Variants in ZMIZ1 observed in about 807,000 individuals in gnomAD.
ZMIZ1 encodes the protein zinc finger MIZ domain-containing protein 1.
A neutral mutation model predicts 113.9 loss-of-function variants in ZMIZ1; 17 were observed. The observed-to-expected ratio is 0.15, with a 90% CI of 0.10 to 0.22. ZMIZ1 has a LOEUF of 0.22. ZMIZ1 is among the 10% of genes least tolerant of loss of function. The pLI is 1.00. For synonymous variants in ZMIZ1, 607 were observed against 603.1 expected, an observed-to-expected ratio of 1.01 and a Z score of -0.09; for missense variants, 1,059 against 1,477.8, an observed-to-expected ratio of 0.72 and a Z score of 4.65.
At chr10:79,072,204 G>T (rs1282716047) in intron 1 of ZMIZ1, among the ~76,000 whole-genome samples, 1 of 152,172 alleles carries the variant, frequency 6.6e-6, no homozygotes, top group Admixed American at 6.5e-5. Context: ...CACAGCCAGG[G>T]GCAAAATGAA....
chr10:79,251,744 G>T (rs148613106), intron 7 of ZMIZ1, among the ~76,000 whole-genome samples: 5 of 152,348 alleles, frequency 3.3e-5, no homozygotes, highest in Non-Finnish European at 7.3e-5. Context: ...AGTGGGGACA[G>T]CTTGTGTAAC....
rs2132134259 is a variant in ZMIZ1, at chr10:79,069,187, G to A, written c.-420G>A. On this transcript the variant is annotated 5_prime_UTR_variant, in exon 1 of 25. Transcript: ENST00000334512. This position sits in a 1 kb window ranked among gnomAD's most constrained non-coding sequence, Gnocchi z 4.6. ...CCGAGCGGATCTCGGCGCCCTCGCT[G>A]CGCTCCTCCCGGCCCGAGCCTGCCC... is the stretch of plus-strand genomic sequence containing the variant. 1 of 150,206 alleles carries A rather than the reference G, an allele frequency of 6.7e-6. No individual in the cohort carries two copies. Among genetic ancestry groups the A allele is most frequent in the Middle Eastern group, 3.4e-3 (1 of 290 alleles). The allele number at this position is 150,206 out of a possible 1,614,324, so 9.3% of individuals were successfully genotyped here. A position where few individuals can be genotyped will look rare whatever the true frequency, so the allele number is the denominator to read the frequency against.
chr10:79,076,115 C>A (rs182175750), intron 1 of ZMIZ1, among the ~76,000 whole-genome samples: 1 of 152,324 alleles, frequency 6.6e-6, no homozygotes, highest in African/African-American at 2.4e-5. Context: ...GAACTGGTTG[C>A]GTTACCTGGT....
At chr10:79,293,836 A>C in intron 12 of ZMIZ1, 183 bp downstream of exon 12, 2 of 901,086 alleles carry the variant, frequency 2.2e-6, no homozygotes, top group African/African-American at 1.7e-5. Context: ...TCCCAACTGA[A>C]AGACCTCGAG....
rs79495524 is a variant in ZMIZ1, at chr10:79,207,924, G to T, written c.61-412G>T. Among the ~76,000 whole-genome samples the T allele has an allele frequency of 3.8e-3, 575 of 151,598 alleles. 4 individuals carry two copies. Among genetic ancestry groups the T allele is most frequent in the African/African-American group, 0.013 (553 of 41,276 alleles). On this transcript the variant is annotated intron_variant, in intron 5 of 24. Transcript: ENST00000334512. ...AGGGAGGGAGAACTCCCGGAACCCT[G>T]CAGGGATCACCTTCCGCCACCCCCA...
At chr10:79,093,250 A>G (rs1843047593) in intron 1 of ZMIZ1, among the ~76,000 whole-genome samples, 1 of 151,722 alleles carries the variant, frequency 6.6e-6, no homozygotes. Context: ...ACTGTTCTGA[A>G]GAACCCTACG....
intron 2 of ZMIZ1, among the ~76,000 whole-genome samples, chr10:79,127,703 A>G (rs537865366): frequency 4.1e-4 from 63 of 152,080 alleles, no homozygotes; most frequent in Non-Finnish European, 4.3e-4. Flanking sequence ...AGACCGAGCC[A>G]GTGTTTCCTG....
At chr10:79,303,046 G>C (rs1379009716) in intron 18 of ZMIZ1, among the ~76,000 whole-genome samples, 2 of 151,866 alleles carry the variant, frequency 1.3e-5, no homozygotes, top group Non-Finnish European at 2.9e-5. Flanking sequence ...TGTTTTAGTA[G>C]AGACGGGGTT....
intron 1 of ZMIZ1, among the ~76,000 whole-genome samples, chr10:79,112,049 G>C (rs963452420): frequency 1.3e-5 from 2 of 152,236 alleles, no homozygotes; most frequent in African/African-American, 4.8e-5. Context: ...AGTGATTGTG[G>C]TGTGGCTGGA....
chr10:79,161,139 A>G (rs963806747), intron 3 of ZMIZ1, among the ~76,000 whole-genome samples: 5 of 152,168 alleles, frequency 3.3e-5, no homozygotes, highest in African/African-American at 1.2e-4. Context: ...CCACACTCCC[A>G]GTGCACCCGC....
chr10:79,245,259 C>CT (rs1452103362), intron 7 of ZMIZ1, among the ~76,000 whole-genome samples: 5 of 152,176 alleles, frequency 3.3e-5, no homozygotes, highest in African/African-American at 1.2e-4. Flanking sequence ...CGCTCAGGGA[C>CT]TTTTGAGCCC....
At chr10:79,098,713 T>G (rs1223374018) in intron 1 of ZMIZ1, among the ~76,000 whole-genome samples, 1 of 152,186 alleles carries the variant, frequency 6.6e-6, no homozygotes, top group Non-Finnish European at 1.5e-5. Context: ...TCTCAAAACC[T>G]GCGTCTCTAA....
chr10:79,112,098 A>G (rs987397835), intron 1 of ZMIZ1, among the ~76,000 whole-genome samples: 3 of 152,234 alleles, frequency 2.0e-5, no homozygotes, highest in African/African-American at 7.2e-5. Flanking sequence ...GTGTGGACAC[A>G]ACTCCCAAGT....
At chr10:79,223,486 C>T (rs553630754) in intron 7 of ZMIZ1, among the ~76,000 whole-genome samples, 11 of 152,226 alleles carry the variant, frequency 7.2e-5, no homozygotes, top group African/African-American at 1.7e-4. Context: ...CTGTCTCCAC[C>T]GCCCCGGTCA....
intron 7 of ZMIZ1, among the ~76,000 whole-genome samples, chr10:79,273,667 T>C (rs1852082323): frequency 6.6e-6 from 1 of 152,250 alleles, no homozygotes; most frequent in Non-Finnish European, 1.5e-5. Flanking sequence ...CCCTGCTTCT[T>C]GGTTTCTGAC....
chr10:79,226,919 C>G (rs183475144), intron 7 of ZMIZ1, among the ~76,000 whole-genome samples: 246 of 152,298 alleles, frequency 1.6e-3, no homozygotes, highest in African/African-American at 5.7e-3. Flanking sequence ...CATGATGCAA[C>G]CAACATTAAG....
intron 4 of ZMIZ1, among the ~76,000 whole-genome samples, chr10:79,193,337 G>A (rs1847687264): frequency 6.6e-6 from 1 of 152,202 alleles, no homozygotes; most frequent in Non-Finnish European, 1.5e-5. Flanking sequence ...GAATGTAAAA[G>A]GTTTGTCCAT....
At chr10:79,269,027 G>T (rs1466798619) in intron 7 of ZMIZ1, among the ~76,000 whole-genome samples, 1 of 152,170 alleles carries the variant, frequency 6.6e-6, no homozygotes, top group East Asian at 1.9e-4. Context: ...GCAGCTCGAG[G>T]TGCTCCCTGG....
chr10:79,091,694 C>T (rs943144138), intron 1 of ZMIZ1, among the ~76,000 whole-genome samples: 15 of 152,216 alleles, frequency 9.9e-5, no homozygotes, highest in Middle Eastern at 3.4e-3. Flanking sequence ...ACCGGCATGA[C>T]CAAAGGAAGG....
Sources: gnomAD v4.1 joint callset for allele counts (sites outside exome capture counted in the v4.1 genomes callset) on GRCh38, gnomAD v4.1.1 for gene constraint, Gnocchi (gnomAD v3.1) non-coding constraint, MANE v1.5 for transcripts, NCBI Gene and HGNC (gene_info 2026-07-23, HGNC 2026-07-21) for gene names.